ADGRE1: variants seen among roughly 807,000 people sequenced by gnomAD.
ADGRE1 encodes the protein EGF-like module receptor 1.
ADGRE1 carries 82 observed loss-of-function variants against 102.7 expected under a neutral mutation model. The ratio of observed to expected loss-of-function variants is 0.80; its 90% CI spans 0.67 to 0.96. The LOEUF is 0.96. Ranked by LOEUF, ADGRE1 falls within the 40% of genes least tolerant of loss-of-function variation. The pLI is 0.00. For synonymous variants in ADGRE1, 398 were observed against 399.6 expected, an observed-to-expected ratio of 1.00 and a Z score of 0.05; for missense variants, 1,032 against 1,085.3, an observed-to-expected ratio of 0.95 and a Z score of 0.69.
Position 6,928,159 on chromosome 19 carries a change from C to CAGAG in ADGRE1, c.2239_2242dup (p.Thr748ArgfsTer38). ...TCTCTCCACAGCTGCTGGCTGAATA[C>CAGAG]AGAGACAGGGTTCATCTGGAGTTTC... On this transcript the variant is annotated frameshift_variant, in exon 17 of 21. Coordinates refer to ENST00000312053, the MANE Select transcript of ADGRE1 (RefSeq NM_001974.5). LOFTEE classifies it high-confidence loss of function. The CAGAG allele has an allele frequency of 6.2e-7, 1 of 1,613,898 alleles. No individual in the cohort carries two copies. Among genetic ancestry groups the CAGAG allele is most frequent in the Non-Finnish European group, 8.5e-7 (1 of 1,179,868 alleles).
At chr19:6,897,776 T>TTAC in intron 5 of ADGRE1, 1 of 309,378 alleles carries the variant, frequency 3.2e-6, no homozygotes, top group Non-Finnish European at 5.7e-6. Flanking sequence ...TGGGTCTTTT[T>TTAC]AAAAAATTTT....
At chr19:6,911,389 T>TTTTTTTG (rs1474639965) in intron 10 of ADGRE1, among the ~76,000 whole-genome samples, 2 of 143,202 alleles carry the variant, frequency 1.4e-5, no homozygotes, top group Admixed American at 1.4e-4. Flanking sequence ...CTTTTAGTTT[T>TTTTTTTG]TTTTTTTTTT....
Position 6,897,264 on chromosome 19 carries a change from T to C in ADGRE1, c.354T>C (p.Asn118=), listed in dbSNP as rs753466479. 78 of 1,613,830 alleles carry C rather than the reference T, an allele frequency of 4.8e-5. No individual in the cohort carries two copies. Among genetic ancestry groups the C allele is most frequent in the Non-Finnish European group, 6.3e-5 (74 of 1,180,014 alleles). The change falls in exon 4 of 21, where the codon AAT becomes AAC. Residue 118 remains asparagine, a synonymous_variant. Coordinates refer to ENST00000312053, the MANE Select transcript of ADGRE1 (RefSeq NM_001974.5). ...ATGGTTTCTCTTCTCCCACTGGAAA[T>C]GACTGGGTCCCAGGAAAGCCGGGCA... ...CLDGFSSPTG[N]DWVPGKPGNF... is the part of the protein sequence containing the mutation.
At position 6,896,503 on chromosome 19, in the gene ADGRE1, G is replaced by A. The variant is rs146833159; in HGVS notation, c.200G>A (p.Gly67Glu). Residue 67 changes from glycine to glutamate, a missense_variant, in exon 3 of 21, where the codon GGG (glycine) becomes GAG (glutamate). Transcript: ENST00000312053. The part of the protein sequence containing the change: ...ACKQGFLSSN[G>E]QNHFKDPGVR... ...AAACAAGGCTTCCTGTCCAGCAATG[G>A]GCAAAATCACTTCAAGGATCCAGGA... is the stretch of plus-strand genomic sequence containing the variant. 6.1e-5 allele frequency: 99 copies of A among 1,613,940 alleles called. 1 individual carries two copies. Among genetic ancestry groups the A allele is most frequent in the Non-Finnish European group, 7.8e-5 (92 of 1,179,990 alleles).
Position 6,919,744 on chromosome 19 carries a change from T to A in ADGRE1, c.1617T>A (p.Ile539=). 2 of 1,613,418 alleles carry A rather than the reference T, an allele frequency of 1.2e-6. No homozygotes were observed. The highest frequency in any genetic ancestry group is 1.7e-6 in the Non-Finnish European group (2 of 1,179,566). ...CAATCATCTACACTCTGGAGAACAT[T>A]CAGGTTTGTGAAGAGGTCTCTACTG... ...SDPIIYTLEN[I]QPKQKFERPI... The change falls in exon 13 of 21, where the codon ATT becomes ATA. Residue 539 remains isoleucine, a synonymous_variant. Transcript: ENST00000312053.
chr19:6,934,208 G>A (rs1163889329), intron 17 of ADGRE1, among the ~76,000 whole-genome samples: 1 of 152,034 alleles, frequency 6.6e-6, no homozygotes, highest in Admixed American at 6.6e-5. Flanking sequence ...AGCTGTAGGT[G>A]GCTAACTAGG....
chr19:6,940,028 A>T lies in ADGRE1; in HGVS notation c.2660A>T (p.Ter887LeuextTer14), dbSNP rs1396896067. Residue 887 changes from the stop codon to leucine (L), a stop_lost, in exon 21 of 21, where the codon TAA becomes TTA. Transcript: ENST00000312053. The stretch of plus-strand genomic sequence containing the variant: ...AAATTCTTTTCTCTCTCACAGGGTT[A>T]AAGTCCTTTCTTGCTTTCAAATATG... Reference protein sequence around the residue: ...SSMPSASKTG* With the variant: ...SSMPSASKTGL The T allele has an allele frequency of 6.2e-7, 1 of 1,613,960 alleles. No individual in the cohort carries two copies. The highest frequency in any genetic ancestry group is 1.7e-5 in the Admixed American group (1 of 59,998).
chr19:6,931,479 C>A (rs1005310737), intron 17 of ADGRE1, among the ~76,000 whole-genome samples: 5 of 152,270 alleles, frequency 3.3e-5, no homozygotes, highest in East Asian at 3.9e-4. Flanking sequence ...CTGTTCCAGA[C>A]CCCTCTCCAA....
intron 2 of ADGRE1, chr19:6,895,195 C>T (rs1043802395): frequency 6.6e-6 from 1 of 152,140 alleles, no homozygotes; most frequent in Non-Finnish European, 1.5e-5. Context: ...ATCTTCCAGC[C>T]CATGTGAAAA....
intron 17 of ADGRE1, among the ~76,000 whole-genome samples, chr19:6,929,217 T>G (rs1431238632): frequency 6.6e-6 from 1 of 152,088 alleles, no homozygotes; most frequent in East Asian, 1.9e-4. Flanking sequence ...AGAGGTTTAA[T>G]AGGCAAAAGA....
At chr19:6,923,920 C>T (rs1974777585) in intron 14 of ADGRE1, among the ~76,000 whole-genome samples, 1 of 149,620 alleles carries the variant, frequency 6.7e-6, no homozygotes, top group African/African-American at 2.5e-5. Context: ...CTTTAACCCA[C>T]AGAAACCACT....
At chr19:6,917,187 C>T (rs186403759) in intron 12 of ADGRE1, among the ~76,000 whole-genome samples, 5 of 152,306 alleles carry the variant, frequency 3.3e-5, no homozygotes, top group Admixed American at 6.5e-5. Flanking sequence ...CAGATTGGCC[C>T]ATAGGCCACA....
intron 20 of ADGRE1, among the ~76,000 whole-genome samples, chr19:6,937,971 A>G (rs1975497441): frequency 6.6e-6 from 1 of 151,292 alleles, no homozygotes; most frequent in Non-Finnish European, 1.5e-5. Context: ...TTTATAAAAT[A>G]CATTTATATG....
chr19:6,887,737 TA>T, intron 1 of ADGRE1, 98 bp downstream of exon 1: 1 of 1,341,402 alleles, frequency 7.5e-7, no homozygotes, highest in Non-Finnish European at 1.0e-6. Flanking sequence ...CAAGAGATCA[TA>T]AGTCCAGACT....
chr19:6,889,735 C>A (rs1448967103), intron 1 of ADGRE1, among the ~76,000 whole-genome samples: 1 of 150,364 alleles, frequency 6.7e-6, no homozygotes, highest in African/African-American at 2.4e-5. Context: ...ATTGCCCTAC[C>A]CTCTCATGAA....
rs546779547 is a variant in ADGRE1 at position 6,923,680 on chromosome 19, G to A, written c.1792-998G>A. 1.7e-4 allele frequency among the ~76,000 whole-genome samples: 26 copies of A among 151,872 alleles called. No homozygotes were observed. The East Asian group carries it at 2.9e-3, about 17-fold the overall frequency. The stretch of plus-strand genomic sequence containing the variant: ...CATGTAGCTGGGATTACAGGTGCCC[G>A]CCACCATGCCTGGCTAATATTTTTT... On this transcript the variant is annotated intron_variant, in intron 14 of 20. Coordinates refer to ENST00000312053, the MANE Select transcript of ADGRE1 (RefSeq NM_001974.5).
At chr19:6,915,937 A>AC (rs1401128308) in intron 11 of ADGRE1, among the ~76,000 whole-genome samples, 1 of 134,658 alleles carries the variant, frequency 7.4e-6, no homozygotes. Context: ...AAAAAAAAAA[A>AC]AAAAAAAAAC....
intron 20 of ADGRE1, among the ~76,000 whole-genome samples, chr19:6,939,268 CAG>C (rs1315922442): frequency 1.3e-5 from 2 of 152,046 alleles, no homozygotes; most frequent in African/African-American, 4.8e-5. Flanking sequence ...ATGAAAAAGA[CAG>C]TATAGGTATA....
chr19:6,922,406 G>C (rs1363756830), intron 14 of ADGRE1, among the ~76,000 whole-genome samples: 1 of 152,066 alleles, frequency 6.6e-6, no homozygotes, highest in African/African-American at 2.4e-5. Flanking sequence ...ATGAGGTCAA[G>C]AGATCGAGAC....
Sources: gnomAD v4.1 joint callset for allele counts (sites outside exome capture counted in the v4.1 genomes callset) on GRCh38, gnomAD v4.1.1 for gene constraint, MANE v1.5 for transcripts, NCBI Gene and HGNC (gene_info 2026-07-23, HGNC 2026-07-21) for gene names.